The following DARS2 variants were observed in gnomAD, a reference collection of about 807,000 sequenced individuals.
The protein encoded by DARS2 is aspartyl-tRNA synthetase 2, mitochondrial.
In DARS2, 63 loss-of-function variants were observed where a neutral mutation model predicts 83.0. The observed-to-expected ratio is 0.76, with a 90% CI of 0.62 to 0.94. DARS2 has a LOEUF of 0.94. DARS2 is among the 40% of genes least tolerant of loss of function. The probability of loss-of-function intolerance (pLI) is 0.00; values close to 1 mark genes in which losing one functional copy is unlikely to be tolerated. For synonymous variants in DARS2, 250 were observed against 269.3 expected, an observed-to-expected ratio of 0.93 and a Z score of 0.70; for missense variants, 675 against 774.4, an observed-to-expected ratio of 0.87 and a Z score of 1.52.
Position 173,845,242 on chromosome 1 carries a change from G to T in DARS2, c.1142G>T (p.Arg381Met), listed in dbSNP as rs549700561. 1.6e-5 allele frequency: 26 copies of T among 1,606,358 alleles called. No homozygotes were observed. The East Asian group carries it at 3.8e-4, about 23-fold the overall frequency. ...TTCTTTCATCAGAAATACTTAAAAAGGAAAGACATTGAATCCATTAGAAAC... is the reference window on the plus strand; with the variant it reads ...TTCTTTCATCAGAAATACTTAAAAATGAAAGACATTGAATCCATTAGAAAC... Reference protein sequence around the residue: ...CIPEGAKYLKRKDIESIRNFA... With the variant: ...CIPEGAKYLKMKDIESIRNFA... Residue 381 changes from arginine (R) to methionine (M), a missense_variant, in exon 12 of 17, where the codon AGG becomes ATG. Transcript: ENST00000649689.
intron 15 of DARS2, among the ~76,000 whole-genome samples, chr1:173,855,290 CAG>C (rs1653819263): frequency 6.6e-6 from 1 of 151,994 alleles, no homozygotes; most frequent in Non-Finnish European, 1.5e-5. Context: ...TTAGTAGAGA[CAG>C]AGTTTCACCA....
chr1:173,857,401 GC>G, intron 16 of DARS2, 116 bp from the exon 17 acceptor site: 1 of 1,020,534 alleles, frequency 9.8e-7, no homozygotes, highest in South Asian at 1.4e-5. Flanking sequence ...ACGATGGTTG[GC>G]TACAGTTTGT....
chr1:173,825,452 T>G (rs1183096870), intron 1 of DARS2, 96 bp downstream of exon 1: 1 of 95,388 alleles, frequency 1.0e-5, no homozygotes, highest in Non-Finnish European at 1.7e-5. Context: ...TTTCCCCCAT[T>G]ATTATTATTA....
rs1178547914 is a variant in DARS2 at position 173,842,284 on chromosome 1, C to CTTTTTTTTTTTTTTTTTTTTTT, written c.1128+1323_1128+1344dup. Among the ~76,000 whole-genome samples the CTTTTTTTTTTTTTTTTTTTTTT allele has an allele frequency of 7.8e-5, 5 of 64,256 alleles. 2 individuals are homozygous for CTTTTTTTTTTTTTTTTTTTTTT. The highest frequency in any genetic ancestry group is 1.4e-4 in the Non-Finnish European group (5 of 36,804). The allele number at this position is 64,256 out of a possible 152,430, so 42.2% of individuals were successfully genotyped here. A position where few individuals can be genotyped will look rare whatever the true frequency, so the allele number is the denominator to read the frequency against. ...CTCAGGAACTCAGTCTCATTACTTTCTTTTTTTTTTTTTTTTTTTTTTTTT... is the reference window on the plus strand; with the variant it reads ...CTCAGGAACTCAGTCTCATTACTTTCTTTTTTTTTTTTTTTTTTTTTTTTTTTTTTTTTTTTTTTTTTTTTTT... On this transcript the variant is annotated intron_variant, in intron 11 of 16. Transcript: ENST00000649689.
At chr1:173,834,422 G>GA (rs1178905218) in intron 6 of DARS2, 51 bp from the exon 7 acceptor site, 1 of 1,397,856 alleles carries the variant, frequency 7.2e-7, no homozygotes, top group South Asian at 1.2e-5. Flanking sequence ...CATCATATAT[G>GA]ACAAATTTCA....
At chr1:173,834,765 TTTGGG>T (rs1557856458) in intron 7 of DARS2, among the ~76,000 whole-genome samples, 3 of 108,210 alleles carry the variant, frequency 2.8e-5, no homozygotes, top group African/African-American at 4.0e-5. Flanking sequence ...TTTGGTTTGT[TTTGGG>T]TTTTTTTTTT....
chr1:173,834,499 T>C lies in DARS2; in HGVS notation c.643T>C (p.Leu215=), dbSNP rs746620843. The change falls in exon 7 of 17, where the codon TTG becomes CTG. Residue 215 remains leucine, a synonymous_variant. Coordinates refer to ENST00000649689, the MANE Select transcript of DARS2 (RefSeq NM_018122.5). ...GTTTGTGGATATAGAAACCCCCACA[T>C]TGTTTAAGAGGACCCCAGGGGTATG... ...HGFVDIETPT[L]FKRTPGGAKE... 1.2e-6 allele frequency: 2 copies of C among 1,606,484 alleles called. No homozygotes were observed. Among genetic ancestry groups the C allele is most frequent in the Admixed American group, 1.7e-5 (1 of 60,000 alleles).
In DARS2 at chr1:173,834,445, C is replaced by A. The variant is rs1346581329; in HGVS notation, c.617-28C>A. 5.1e-6 allele frequency: 8 copies of A among 1,560,822 alleles called. No homozygotes were observed. The South Asian group carries it at 7.8e-5, about 15-fold the overall frequency. ...ATGACAAATTTCACATTCCTATCTA[C>A]TAAGTGATAATGTTTCTCTCTTTTT... On this transcript the variant is annotated intron_variant, in intron 6 of 16. Coordinates refer to ENST00000649689, the MANE Select transcript of DARS2 (RefSeq NM_018122.5).
chr1:173,843,452 C>T (rs1653308376), intron 11 of DARS2, among the ~76,000 whole-genome samples: 3 of 151,854 alleles, frequency 2.0e-5, no homozygotes, highest in South Asian at 2.1e-4. Context: ...CCCAGCTACT[C>T]GGGAGGCTGA....
intron 7 of DARS2, among the ~76,000 whole-genome samples, chr1:173,834,924 A>G (rs1329672921): frequency 6.6e-6 from 1 of 150,506 alleles, no homozygotes; most frequent in Admixed American, 6.6e-5. Context: ...GATTACAGGC[A>G]TGCACCACCA....
chr1:173,850,277 A>G, intron 12 of DARS2, 50 bp from the exon 13 acceptor site: 2 of 1,490,884 alleles, frequency 1.3e-6, no homozygotes, highest in South Asian at 2.5e-5. Context: ...AATTAATCCC[A>G]CTGTTCAAAA....
chr1:173,852,305 A>C (rs982884155), intron 13 of DARS2: 16 of 935,506 alleles, frequency 1.7e-5, no homozygotes, highest in Non-Finnish European at 1.9e-5. Flanking sequence ...AGCCCGTTCT[A>C]AGCACTTTGT....
At chr1:173,849,807 A>C (rs1224215448) in intron 12 of DARS2, among the ~76,000 whole-genome samples, 1 of 149,870 alleles carries the variant, frequency 6.7e-6, no homozygotes, top group Non-Finnish European at 1.5e-5. Context: ...TCATCTGCTG[A>C]TATTATTCTC....
intron 16 of DARS2, 125 bp from the exon 17 acceptor site, chr1:173,857,393 G>A (rs1653892459): frequency 2.0e-5 from 19 of 934,244 alleles, no homozygotes; most frequent in South Asian, 4.5e-5. Context: ...GGTAGGGAAC[G>A]ATGGTTGGCT....
At chr1:173,830,081 CAA>C (rs931732778) in intron 3 of DARS2, among the ~76,000 whole-genome samples, 1 of 142,300 alleles carries the variant, frequency 7.0e-6, no homozygotes. Flanking sequence ...TACCCTGTGT[CAA>C]AAAAAAAAAT....
At chr1:173,852,297 C>A in intron 13 of DARS2, 2 of 963,872 alleles carry the variant, frequency 2.1e-6, no homozygotes, top group Non-Finnish European at 2.5e-6. Context: ...ATTTGCCAAG[C>A]CCGTTCTAAG....
chr1:173,839,598 T>C, intron 10 of DARS2, 52 bp downstream of exon 10: 1 of 1,545,244 alleles, frequency 6.5e-7, no homozygotes, highest in South Asian at 1.1e-5. Flanking sequence ...CCTGCAGTCT[T>C]TTTAAACCAC....
intron 12 of DARS2, among the ~76,000 whole-genome samples, chr1:173,847,180 A>G (rs1444416913): frequency 6.6e-6 from 1 of 152,200 alleles, no homozygotes; most frequent in Admixed American, 6.5e-5. Context: ...GGGCAATATA[A>G]CAAGCTTTTC....
Position 173,843,100 on chromosome 1 carries a change from GT to G in DARS2, c.1129-2125del, listed in dbSNP as rs536026847. 5.5e-3 allele frequency among the ~76,000 whole-genome samples: 835 copies of G among 152,096 alleles called. 3 individuals carry two copies. Among genetic ancestry groups the G allele is most frequent in the Admixed American group, 9.1e-3 (139 of 15,268 alleles). ...TAAGAACTGCAGGAGTGTGGATCAT[GT>G]TTTCATCTTTTTATACCTTCCGTAC... On this transcript the variant is annotated intron_variant, in intron 11 of 16. Coordinates refer to ENST00000649689, the MANE Select transcript of DARS2 (RefSeq NM_018122.5).
Sources: gnomAD v4.1 joint callset for allele counts (sites outside exome capture counted in the v4.1 genomes callset) on GRCh38, gnomAD v4.1.1 for gene constraint, MANE v1.5 for transcripts, NCBI Gene and HGNC (gene_info 2026-07-23, HGNC 2026-07-21) for gene names.